CPE: variants seen among roughly 807,000 people sequenced by gnomAD.
CPE encodes carbocypeptidase E.
CPE carries 17 observed loss-of-function variants against 53.5 expected under a neutral mutation model. The ratio of observed to expected loss-of-function variants is 0.32; its 90% CI spans 0.22 to 0.48. The LOEUF (loss-of-function observed/expected upper bound fraction) is 0.48, where lower values mean the gene tolerates loss of function less well. CPE is among the 20% of genes least tolerant of loss of function. The probability of loss-of-function intolerance (pLI) is 0.99; values close to 1 mark genes in which losing one functional copy is unlikely to be tolerated. For missense variants in CPE, 524 were observed against 614.7 expected (o/e 0.85, Z 1.56); for synonymous variants, 226 against 228.8 (o/e 0.99, Z 0.11).
intron 2 of CPE, among the ~76,000 whole-genome samples, chr4:165,467,382 G>A (rs1053681730): frequency 6.6e-6 from 1 of 152,126 alleles, no homozygotes; most frequent in Admixed American, 6.5e-5. Context: ...GCCTACACAG[G>A]GTCAGGATCA....
At chr4:165,442,094 G>A (rs542875766) in intron 1 of CPE, among the ~76,000 whole-genome samples, 32 of 141,054 alleles carry the variant, frequency 2.3e-4, no homozygotes, top group Admixed American at 1.1e-3. Flanking sequence ...CCAGGCTGGA[G>A]TGCAGGAGTG....
At chr4:165,465,032 C>T (rs1007858696) in intron 2 of CPE, among the ~76,000 whole-genome samples, 1 of 152,128 alleles carries the variant, frequency 6.6e-6, no homozygotes. Flanking sequence ...TAATGTTTTA[C>T]TGATGTTTAC....
chr4:165,467,135 C>T (rs1330184401), intron 2 of CPE, among the ~76,000 whole-genome samples: 2 of 152,126 alleles, frequency 1.3e-5, no homozygotes, highest in Non-Finnish European at 2.9e-5. Flanking sequence ...CCAGCCTGAG[C>T]AACATAGCGA....
At position 165,379,070 on chromosome 4, in the gene CPE, C is replaced by A; in HGVS notation, c.-152C>A. 1.5e-6 allele frequency: 1 copy of A among 678,346 alleles called. No individual in the cohort carries two copies. The highest frequency in any genetic ancestry group is 2.0e-6 in the Non-Finnish European group (1 of 495,226). 42.0% of individuals were successfully genotyped at this position (678,346 alleles called of 1,614,324 possible). On this transcript the variant is annotated 5_prime_UTR_variant, in exon 1 of 9. In the 5' UTR this introduces an upstream ATG that the reference lacks. Transcript: ENST00000402744. The surrounding 1 kb of genome is among the most constrained non-coding windows in gnomAD (Gnocchi z 6.0). Reference sequence around the variant, plus strand: ...CCTCTGGGTGGCCCCAGTGCGCGGGCTGACACTCATTCAGCCGGGGAAGGT... The same window carrying A: ...CCTCTGGGTGGCCCCAGTGCGCGGGATGACACTCATTCAGCCGGGGAAGGT...
chr4:165,487,776 T>G (rs1444694409), intron 6 of CPE, among the ~76,000 whole-genome samples, 199 bp downstream of exon 6: 1 of 152,132 alleles, frequency 6.6e-6, no homozygotes, highest in African/African-American at 2.4e-5. Flanking sequence ...CACCAAGAAC[T>G]GACTAAACTG....
At position 165,410,256 on chromosome 4, in the gene CPE, A is replaced by T. The variant is rs968425307; in HGVS notation, c.307+30728A>T. On this transcript the variant is annotated intron_variant, in intron 1 of 8. Coordinates refer to ENST00000402744, the MANE Select transcript of CPE (RefSeq NM_001873.4). ...GGATACTCTGTAAAAAAAAAAAAAA[A>T]AAAATCAGAGATTTTAACAGGTCAA... Among the ~76,000 whole-genome samples, 44 of 152,062 alleles carry T rather than the reference A, an allele frequency of 2.9e-4. 1 individual carries two copies. The highest frequency in any genetic ancestry group is 1.0e-3 in the African/African-American group (43 of 41,476).
chr4:165,397,879 A>C lies in CPE; in HGVS notation c.307+18351A>C, dbSNP rs60752514. The stretch of plus-strand genomic sequence containing the variant: ...GACATAGCAAGACCGTGTCTCTACC[A>C]GAAAAAAAAAAAAGAAAGAAAAATT... On this transcript the variant is annotated intron_variant, in intron 1 of 8. Coordinates refer to ENST00000402744, the MANE Select transcript of CPE (RefSeq NM_001873.4). 8.6e-3 allele frequency among the ~76,000 whole-genome samples: 1,298 copies of C among 151,004 alleles called. 23 individuals carry two copies. The highest frequency in any genetic ancestry group is 0.029 in the African/African-American group (1,175 of 41,168).
intron 1 of CPE, among the ~76,000 whole-genome samples, chr4:165,424,220 A>G (rs888293020): frequency 4.0e-5 from 6 of 151,364 alleles, no homozygotes; most frequent in South Asian, 2.1e-4. Flanking sequence ...ATTAAAGTCA[A>G]TTTTGCATAA....
At chr4:165,470,069 G>T (rs1329344425) in intron 3 of CPE, among the ~76,000 whole-genome samples, 1 of 152,154 alleles carries the variant, frequency 6.6e-6, no homozygotes, top group Admixed American at 6.5e-5. Context: ...CTCAATTCTT[G>T]CCTCCTCAGA....
At chr4:165,496,739 G>A (rs1055199635) in intron 8 of CPE, among the ~76,000 whole-genome samples, 2 of 152,048 alleles carry the variant, frequency 1.3e-5, no homozygotes, top group Non-Finnish European at 2.9e-5. Context: ...GGACACATAC[G>A]TGCTTTTGTC....
intron 4 of CPE, among the ~76,000 whole-genome samples, chr4:165,483,626 A>G (rs950728951): frequency 2.0e-5 from 3 of 152,170 alleles, no homozygotes; most frequent in African/African-American, 7.2e-5. Context: ...GGAATCCACG[A>G]CAACATCTGT....
In CPE at chr4:165,461,166, C is replaced by CAAAAAAAAAAAAAAAAAAAAA. The variant is rs1173022270; in HGVS notation, c.308-3223_308-3203dup. On this transcript the variant is annotated intron_variant, in intron 1 of 8. Coordinates refer to ENST00000402744, the MANE Select transcript of CPE (RefSeq NM_001873.4). Reference sequence around the variant, plus strand: ...TGGGTGACAGAGTGAGCCTCTGCCTCAAAAAAAAAAAAAAAAAAAAAGAAA... The same window carrying CAAAAAAAAAAAAAAAAAAAAA: ...TGGGTGACAGAGTGAGCCTCTGCCTCAAAAAAAAAAAAAAAAAAAAAAAAAAAAAAAAAAAAAAAAAAGAAA... Among the ~76,000 whole-genome samples the CAAAAAAAAAAAAAAAAAAAAA allele has an allele frequency of 8.6e-4, 38 of 44,200 alleles. 2 individuals carry two copies. The highest frequency in any genetic ancestry group is 1.3e-3 in the Admixed American group (5 of 3,864). The allele number at this position is 44,200 out of a possible 152,430, so 29.0% of individuals were successfully genotyped here. A position where few individuals can be genotyped will look rare whatever the true frequency, so the allele number is the denominator to read the frequency against.
chr4:165,395,732 A>G (rs938986214), intron 1 of CPE, among the ~76,000 whole-genome samples: 5 of 152,346 alleles, frequency 3.3e-5, no homozygotes, highest in African/African-American at 9.6e-5. Context: ...AGAGAATTGT[A>G]CAGGATAGTT....
intron 1 of CPE, chr4:165,406,194 A>T (rs1041958372): frequency 1.9e-5 from 13 of 689,128 alleles, no homozygotes; most frequent in Non-Finnish European, 3.6e-5. Context: ...GTTAATTTAA[A>T]TAACTATCAC....
At chr4:165,428,576 G>A (rs67848784) in intron 1 of CPE, among the ~76,000 whole-genome samples, 45,117 of 152,012 alleles carry the variant, frequency 0.3, 6,768 homozygotes, top group Middle Eastern at 0.39. Flanking sequence ...TTAAAACAAC[G>A]GAAATTTATC....
At chr4:165,443,380 A>G (rs188726821) in intron 1 of CPE, among the ~76,000 whole-genome samples, 3 of 152,304 alleles carry the variant, frequency 2.0e-5, no homozygotes, top group African/African-American at 7.2e-5. Context: ...TCATCTTCCC[A>G]GTGATTCTAT....
At chr4:165,487,633 T>G in intron 6 of CPE, 56 bp downstream of exon 6, 1 of 1,593,556 alleles carries the variant, frequency 6.3e-7, no homozygotes. Flanking sequence ...AAACCTGTCC[T>G]ACAATGGTCT....
At chr4:165,406,944 C>T (rs1375008754) in intron 1 of CPE, among the ~76,000 whole-genome samples, 1 of 152,200 alleles carries the variant, frequency 6.6e-6, no homozygotes, top group East Asian at 1.9e-4. Flanking sequence ...TGTATTAGTA[C>T]TCCATTATGT....
chr4:165,396,832 C>T (rs923231343), intron 1 of CPE, among the ~76,000 whole-genome samples: 2 of 151,580 alleles, frequency 1.3e-5, no homozygotes, highest in Middle Eastern at 3.4e-3. Flanking sequence ...GAGTTTGAGA[C>T]CACTCAGACT....
Sources: allele counts gnomAD v4.1 joint callset (sites outside exome capture counted in the v4.1 genomes callset), GRCh38; gene constraint gnomAD v4.1.1; non-coding constraint Gnocchi (gnomAD v3.1); transcripts MANE v1.5; gene names NCBI Gene and HGNC (gene_info 2026-07-23, HGNC 2026-07-21).